Variants in CNTNAP2 observed in about 807,000 individuals in gnomAD.
CNTNAP2 encodes contactin-associated protein-like 2.
CNTNAP2 carries 98 observed loss-of-function variants against 155.2 expected under a neutral mutation model. The ratio of observed to expected loss-of-function variants is 0.63; its 90% CI spans 0.54 to 0.75. The LOEUF (loss-of-function observed/expected upper bound fraction) is 0.75. Ranked by LOEUF, CNTNAP2 falls within the 30% of genes least tolerant of loss-of-function variation. CNTNAP2 has a pLI of 0.00. For synonymous variants in CNTNAP2, 651 were observed against 631.2 expected, an observed-to-expected ratio of 1.03 and a Z score of -0.47; for missense variants, 1,727 against 1,688.1, an observed-to-expected ratio of 1.02 and a Z score of -0.40.
intron 10 of CNTNAP2, among the ~76,000 whole-genome samples, chr7:147,425,447 A>G (rs872714): frequency 0.19 from 28,139 of 151,214 alleles, 3,134 homozygotes; most frequent in Non-Finnish European, 0.25. Context: ...TTTTTTTTAA[A>G]TCCTGTAAGA....
chr7:146,994,047 G>A (rs1406931620), intron 3 of CNTNAP2, among the ~76,000 whole-genome samples: 2 of 152,058 alleles, frequency 1.3e-5, no homozygotes, highest in African/African-American at 4.8e-5. Context: ...AATGCAAAGT[G>A]GGTGGGGTAC....
intron 1 of CNTNAP2, among the ~76,000 whole-genome samples, chr7:146,533,807 A>G (rs1189470558): frequency 6.6e-6 from 1 of 152,048 alleles, no homozygotes; most frequent in East Asian, 1.9e-4. Context: ...TGCATGTAAT[A>G]TTCAGTTTTG....
rs572023533 is a variant in CNTNAP2 at position 146,228,155 on chromosome 7, T to C, written c.97+111182T>C. ...GAGAATTCAAAGCACTATAGCGTTA[T>C]AGCTGCAAATATCCAAGCGATATTT... is the stretch of plus-strand genomic sequence containing the variant. On this transcript the variant is annotated intron_variant, in intron 1 of 23. Transcript: ENST00000361727. 2.0e-5 allele frequency among the ~76,000 whole-genome samples: 3 copies of C among 152,320 alleles called. No individual in the cohort carries two copies. In the East Asian group the frequency reaches 5.8e-4, roughly 29 times the overall value.
intron 1 of CNTNAP2, among the ~76,000 whole-genome samples, chr7:146,429,971 T>A (rs1368461323): frequency 6.6e-6 from 1 of 152,164 alleles, no homozygotes; most frequent in Non-Finnish European, 1.5e-5. Flanking sequence ...GTGCATCTAT[T>A]GAGATAATCA....
At chr7:148,242,981 C>T (rs887586329) in intron 20 of CNTNAP2, among the ~76,000 whole-genome samples, 2 of 152,010 alleles carry the variant, frequency 1.3e-5, no homozygotes, top group African/African-American at 2.4e-5. Context: ...GGGCAACAAA[C>T]CCCCCCTTTG....
chr7:147,092,870 C>A (rs1415054165), intron 4 of CNTNAP2, among the ~76,000 whole-genome samples: 1 of 152,070 alleles, frequency 6.6e-6, no homozygotes, highest in Non-Finnish European at 1.5e-5. Context: ...GAGTGATTGG[C>A]CTTTGTATGT....
chr7:146,906,640 A>G (rs543058651), intron 3 of CNTNAP2, among the ~76,000 whole-genome samples: 14 of 152,188 alleles, frequency 9.2e-5, no homozygotes, highest in Admixed American at 3.9e-4. Context: ...TCCACACCGA[A>G]AACCCATCTG....
At chr7:146,735,646 ATTAC>A (rs1242144146) in intron 1 of CNTNAP2, among the ~76,000 whole-genome samples, 3 of 137,664 alleles carry the variant, frequency 2.2e-5, no homozygotes, top group African/African-American at 3.6e-5. Context: ...CCTTCTCTGT[ATTAC>A]TTATCTATGT....
At chr7:147,384,057 C>T (rs1796587206) in intron 9 of CNTNAP2, among the ~76,000 whole-genome samples, 2 of 152,078 alleles carry the variant, frequency 1.3e-5, no homozygotes, top group African/African-American at 4.8e-5. Flanking sequence ...TGACCTGAAT[C>T]ATATGGATAA....
chr7:146,964,803 T>A (rs899183617), intron 3 of CNTNAP2, among the ~76,000 whole-genome samples: 4 of 152,076 alleles, frequency 2.6e-5, no homozygotes, highest in African/African-American at 9.7e-5. Context: ...AATCTGCCCT[T>A]GTGGCATGAA....
intron 13 of CNTNAP2, among the ~76,000 whole-genome samples, chr7:147,874,412 A>G (rs1340082808): frequency 1.3e-5 from 2 of 152,204 alleles, no homozygotes; most frequent in Non-Finnish European, 2.9e-5. Flanking sequence ...ACTCAAAACC[A>G]TGTGGAAGCT....
chr7:147,203,557 A>G (rs920572713), intron 8 of CNTNAP2, among the ~76,000 whole-genome samples: 8 of 152,180 alleles, frequency 5.3e-5, no homozygotes, highest in Non-Finnish European at 1.2e-4. Context: ...TAATTGTCTA[A>G]TGACAGAAAC....
chr7:146,983,690 G>A (rs1485789937), intron 3 of CNTNAP2, among the ~76,000 whole-genome samples: 1 of 152,180 alleles, frequency 6.6e-6, no homozygotes, highest in African/African-American at 2.4e-5. Context: ...AAACAAGTGT[G>A]CTGCATTCTC....
intron 1 of CNTNAP2, among the ~76,000 whole-genome samples, chr7:146,703,925 A>G (rs10268040): frequency 4.6e-5 from 7 of 151,712 alleles, no homozygotes; most frequent in Non-Finnish European, 2.9e-5. Context: ...TCTTTATTTT[A>G]ATTTTTTTCT....
intron 18 of CNTNAP2, among the ~76,000 whole-genome samples, chr7:148,182,387 C>T (rs1010024733): frequency 6.9e-6 from 1 of 144,792 alleles, no homozygotes; most frequent in African/African-American, 2.5e-5. Context: ...CCAACGTCCA[C>T]GCTGCCCTTG....
At chr7:147,512,177 G>A (rs576077825) in intron 11 of CNTNAP2, among the ~76,000 whole-genome samples, 7 of 152,192 alleles carry the variant, frequency 4.6e-5, no homozygotes, top group East Asian at 3.9e-4. Flanking sequence ...TCTCACCATC[G>A]CCGTGCCCAC....
At chr7:147,398,719 A>C (rs1023454155) in intron 10 of CNTNAP2, among the ~76,000 whole-genome samples, 4 of 142,920 alleles carry the variant, frequency 2.8e-5, no homozygotes, top group Non-Finnish European at 6.0e-5. Flanking sequence ...TTATGCATTC[A>C]GTATTTATTT....
intron 1 of CNTNAP2, among the ~76,000 whole-genome samples, chr7:146,217,890 C>T (rs987801446): frequency 2.0e-5 from 3 of 152,088 alleles, no homozygotes; most frequent in African/African-American, 7.2e-5. Context: ...CCCCTCTTAA[C>T]TTATGGATAC....
intron 9 of CNTNAP2, among the ~76,000 whole-genome samples, chr7:147,314,318 G>A (rs751446280): frequency 4.6e-5 from 7 of 152,108 alleles, no homozygotes; most frequent in Non-Finnish European, 8.8e-5. Context: ...TACTTCAAAA[G>A]TTAGCCTTAA....
Sources: gnomAD v4.1 joint callset for allele counts (sites outside exome capture counted in the v4.1 genomes callset) on GRCh38, gnomAD v4.1.1 for gene constraint, MANE v1.5 for transcripts, NCBI Gene and HGNC (gene_info 2026-07-23, HGNC 2026-07-21) for gene names.